The following MAT1A variants were observed in gnomAD, a reference collection of about 807,000 sequenced individuals.
The protein encoded by MAT1A is S-adenosylmethionine synthase isoform type-1.
Under a neutral mutation model 44.0 loss-of-function variants are expected in MAT1A, and 19 were observed. The observed-to-expected ratio is 0.43, with a 90% CI of 0.30 to 0.63. The LOEUF (loss-of-function observed/expected upper bound fraction) is 0.63, where lower values mean the gene tolerates loss of function less well. Ranked by LOEUF, MAT1A falls within the 30% of genes least tolerant of loss-of-function variation. The probability of loss-of-function intolerance (pLI) is 0.12; values close to 1 mark genes in which losing one functional copy is unlikely to be tolerated. For missense variants in MAT1A, 397 were observed against 531.0 expected (o/e 0.75, Z 2.48); for synonymous variants, 205 against 205.6 (o/e 1.00, Z 0.03).
intron 1 of MAT1A, 111 bp from the exon 2 acceptor site, chr10:80,285,700 A>C (rs1446332421): frequency 2.8e-5 from 21 of 750,602 alleles, no homozygotes; most frequent in Non-Finnish European, 4.3e-5. Context: ...CTTATCTACC[A>C]GAGGGAAAAC....
At chr10:80,281,523 G>C (rs1346757586) in intron 3 of MAT1A, among the ~76,000 whole-genome samples, 1 of 152,052 alleles carries the variant, frequency 6.6e-6, no homozygotes, top group Non-Finnish European at 1.5e-5. Context: ...GAGACCGTGC[G>C]CACCTCCTCA....
chr10:80,284,037 C>T lies in MAT1A; in HGVS notation c.171G>A (p.Glu57=). ...GCACCATGCCGGTCTTGCACACTGT[C>T]TCTGAAAGGGAGCGGGGAGCGAGGA... is the stretch of plus-strand genomic sequence containing the variant. ...KQDPNAKVAC[E]TVCKTGMVLL... is the part of the protein sequence containing the mutation. Residue 57 remains glutamate (E), a splice_region_variant and synonymous_variant, in exon 3 of 9, where the codon GAG becomes GAA. Transcript: ENST00000372213. The T allele has an allele frequency of 1.2e-6, 2 of 1,614,128 alleles. No individual in the cohort carries two copies. Among genetic ancestry groups the T allele is most frequent in the Non-Finnish European group, 1.7e-6 (2 of 1,179,998 alleles).
At chr10:80,277,608 A>G (rs1841508270) in intron 5 of MAT1A, among the ~76,000 whole-genome samples, 1 of 152,162 alleles carries the variant, frequency 6.6e-6, no homozygotes, top group Non-Finnish European at 1.5e-5. Context: ...GACTCCCAGG[A>G]AAAGAGGCAC....
rs1353280208 is a variant in MAT1A at position 80,273,777 on chromosome 10, G to C, written c.*4C>G. The stretch of plus-strand genomic sequence containing the variant: ...GGTGAGACCAGGCCCAGCTCCCCCT[G>C]GCTCTAAAATACAAGCTTCCTGGGA... On this transcript the variant is annotated 3_prime_UTR_variant, in exon 9 of 9. Coordinates refer to ENST00000372213, the MANE Select transcript of MAT1A (RefSeq NM_000429.3). The C allele has an allele frequency of 1.9e-6, 3 of 1,604,968 alleles. No individual in the cohort carries two copies. Among genetic ancestry groups the C allele is most frequent in the Admixed American group, 1.7e-5 (1 of 59,982 alleles).
chr10:80,289,383 C>G lies in MAT1A; in HGVS notation c.41G>C (p.Ser14Thr). 6.2e-7 allele frequency: 1 copy of G among 1,614,224 alleles called. No individual in the cohort carries two copies. Among genetic ancestry groups the G allele is most frequent in the Middle Eastern group, 1.6e-4 (1 of 6,062 alleles). ...CGATGTGAACATGAAGACTCCTTCA[C>G]TTAGAGAGTGGTCACACAAGCCATC... is the stretch of plus-strand genomic sequence containing the variant. ...PVDGLCDHSL[S>T]EGVFMFTSES... Residue 14 changes from serine (S) to threonine (T), a missense_variant, in exon 1 of 9, where the codon AGT (serine) becomes ACT (threonine). By Grantham distance (58) the Ser-to-Thr change is moderately conservative. Coordinates refer to ENST00000372213, the MANE Select transcript of MAT1A (RefSeq NM_000429.3).
At chr10:80,277,601 T>C (rs1456275882) in intron 5 of MAT1A, among the ~76,000 whole-genome samples, 2 of 152,104 alleles carry the variant, frequency 1.3e-5, no homozygotes, top group Non-Finnish European at 2.9e-5. Flanking sequence ...GGTAGGGGAC[T>C]CCCAGGAAAA....
intron 1 of MAT1A, among the ~76,000 whole-genome samples, chr10:80,287,334 G>A (rs1841662084): frequency 6.6e-6 from 1 of 152,180 alleles, no homozygotes; most frequent in Non-Finnish European, 1.5e-5. Flanking sequence ...ATATCACTTA[G>A]TAGGCTTAAG....
At chr10:80,276,982 A>G (rs1841497685) in intron 5 of MAT1A, among the ~76,000 whole-genome samples, 1 of 152,198 alleles carries the variant, frequency 6.6e-6, no homozygotes, top group Admixed American at 6.5e-5. Flanking sequence ...TCCTCCTGCC[A>G]ATGATGCAGA....
chr10:80,278,932 GAGGGAGCTC>G (rs1411413425), intron 5 of MAT1A, among the ~76,000 whole-genome samples: 1 of 152,252 alleles, frequency 6.6e-6, no homozygotes. Context: ...GAAGACCAGA[GAGGGAGCTC>G]AGGTAAAGCA....
rs111490499 is a variant in MAT1A, at chr10:80,274,416, TGA to T, written c.1085+102_1085+103del. The T allele has an allele frequency of 8.8e-5, 134 of 1,527,198 alleles. No individual in the cohort carries two copies. The African/African-American group carries it at 1.6e-3, about 18-fold the overall frequency. 94.6% of individuals were successfully genotyped at this position (1,527,198 alleles called of 1,614,324 possible). ...AAGAGCTCACAGACCCTCCCACTTCTGAGAGGCAGAAACATCCTCCTTTCTGC... is the reference window on the plus strand; with the variant it reads ...AAGAGCTCACAGACCCTCCCACTTCTGAGGCAGAAACATCCTCCTTTCTGC... On this transcript the variant is annotated intron_variant, in intron 8 of 8. Transcript: ENST00000372213.
At chr10:80,274,800 C>G (rs760142147) in intron 7 of MAT1A, 147 bp from the exon 8 acceptor site, 24 of 1,279,164 alleles carry the variant, frequency 1.9e-5, no homozygotes, top group Non-Finnish European at 2.6e-5. Flanking sequence ...CTATCTTCAC[C>G]GAGGGCAGTT....
intron 2 of MAT1A, among the ~76,000 whole-genome samples, chr10:80,284,665 A>T (rs1016679860): frequency 1.3e-5 from 2 of 152,160 alleles, no homozygotes; most frequent in African/African-American, 4.8e-5. Context: ...ACACTGGGGC[A>T]CCCTACCCCA....
intron 5 of MAT1A, 68 bp downstream of exon 5, chr10:80,280,098 CAATCAAG>C (rs1210584258): frequency 2.6e-5 from 39 of 1,528,366 alleles, no homozygotes; most frequent in Non-Finnish European, 3.3e-5. Context: ...AAAAATGACA[CAATCAAG>C]AATCAAGAGG....
intron 5 of MAT1A, among the ~76,000 whole-genome samples, chr10:80,277,145 C>T (rs1841500531): frequency 6.6e-6 from 1 of 152,216 alleles, no homozygotes; most frequent in East Asian, 1.9e-4. Context: ...GGCCACAGGC[C>T]CAATACTGCC....
chr10:80,283,653 T>C (rs1046205540), intron 3 of MAT1A, among the ~76,000 whole-genome samples: 1 of 152,266 alleles, frequency 6.6e-6, no homozygotes, highest in Admixed American at 6.5e-5. Flanking sequence ...CCAAAGCCTT[T>C]GGCAGCGCCA....
rs777896485 is a variant in MAT1A, at chr10:80,274,546, G to A, written c.1059C>T (p.Phe353=). Residue 353 remains phenylalanine (F), a synonymous_variant, in exon 8 of 9, where the codon TTC becomes TTT. Transcript: ENST00000372213. ...RELLDVVHKN[F]DLRPGVIVRD... is the part of the protein sequence containing the mutation. ...TGACAATGACGCCCGGCCGGAGGTC[G>A]AAGTTCTTATGCACCACATCCAGCA... 8.4e-5 allele frequency: 135 copies of A among 1,614,064 alleles called. 2 individuals carry two copies. Among genetic ancestry groups the A allele is most frequent in the South Asian group, 7.7e-4 (70 of 91,082 alleles).
chr10:80,280,453 G>C (rs1432285853), intron 4 of MAT1A, 137 bp from the exon 5 acceptor site: 1 of 1,173,142 alleles, frequency 8.5e-7, no homozygotes, highest in African/African-American at 1.5e-5. Flanking sequence ...GCATGTGCAG[G>C]GGAAGGACGT....
intron 6 of MAT1A, among the ~76,000 whole-genome samples, chr10:80,275,963 C>T (rs1841479482): frequency 6.6e-6 from 1 of 152,190 alleles, no homozygotes; most frequent in South Asian, 2.1e-4. Flanking sequence ...ACTCTGGTGC[C>T]CACAACAGCC....
intron 6 of MAT1A, among the ~76,000 whole-genome samples, chr10:80,276,031 C>T (rs1321114318): frequency 6.6e-6 from 1 of 152,228 alleles, no homozygotes; most frequent in Non-Finnish European, 1.5e-5. Context: ...TGTCCACGTG[C>T]AAATGCTGCA....
Sources: allele counts gnomAD v4.1 joint callset (sites outside exome capture counted in the v4.1 genomes callset), GRCh38; gene constraint gnomAD v4.1.1; transcripts MANE v1.5; gene names NCBI Gene and HGNC (gene_info 2026-07-23, HGNC 2026-07-21).